Variants in C3orf70 observed in about 807,000 individuals in gnomAD.
The protein encoded by C3orf70 is UPF0524 protein C3orf70.
A neutral mutation model predicts 20.7 loss-of-function variants in C3orf70; 15 were observed. That is an observed-to-expected ratio of 0.72 (90% CI 0.48 to 1.11). The LOEUF (loss-of-function observed/expected upper bound fraction) is 1.11, where lower values mean the gene tolerates loss of function less well. C3orf70 is among the 50% of genes most tolerant of loss of function. The probability of loss-of-function intolerance (pLI) is 0.00; values close to 1 mark genes in which losing one functional copy is unlikely to be tolerated. For missense variants in C3orf70, 332 were observed against 317.6 expected, an observed-to-expected ratio of 1.05 and a Z score of -0.34; for synonymous variants, 161 against 125.7, an observed-to-expected ratio of 1.28 and a Z score of -1.88.
intron 1 of C3orf70, among the ~76,000 whole-genome samples, chr3:185,143,557 C>A (rs1023164580): frequency 6.6e-6 from 1 of 152,100 alleles, no homozygotes; most frequent in Non-Finnish European, 1.5e-5. Flanking sequence ...AGATATTACA[C>A]ATTTTTGGCA....
intron 1 of C3orf70, among the ~76,000 whole-genome samples, chr3:185,135,912 TA>T (rs1469606539): frequency 1.2e-4 from 18 of 149,568 alleles, no homozygotes; most frequent in African/African-American, 4.2e-4. Context: ...AAAAGAAAAA[TA>T]AAAAACAAGA....
intron 1 of C3orf70, among the ~76,000 whole-genome samples, chr3:185,148,083 A>G (rs1716912223): frequency 6.6e-6 from 1 of 152,030 alleles, no homozygotes; most frequent in South Asian, 2.1e-4. Flanking sequence ...AAAAGAAAAC[A>G]CTCTGGTGTT....
Position 185,077,117 on chromosome 3 carries a change from T to C in C3orf70, c.*5890A>G, listed in dbSNP as rs994276048. 1.3e-5 allele frequency among the ~76,000 whole-genome samples: 2 copies of C among 149,878 alleles called. No individual in the cohort carries two copies. Among genetic ancestry groups the C allele is most frequent in the South Asian group, 4.2e-4 (2 of 4,752 alleles). ...GAGCATAGAGATATTTGCAGAGACA[T>C]GGTATAGGGTGCGGGGTGGGGGGGC... On this transcript the variant is annotated 3_prime_UTR_variant, in exon 2 of 2. Transcript: ENST00000335012.
chr3:185,081,867 A>G lies in C3orf70; in HGVS notation c.*1140T>C, dbSNP rs1715345225. The G allele has an allele frequency of 6.5e-6, 1 of 152,674 alleles. No homozygotes were observed. Among genetic ancestry groups the G allele is most frequent in the South Asian group, 2.1e-4 (1 of 4,832 alleles). The allele number at this position is 152,674 out of a possible 1,614,324, so 9.5% of individuals were successfully genotyped here. A position where few individuals can be genotyped will look rare whatever the true frequency, so the allele number is the denominator to read the frequency against. ...AAATCCATGCATCACACTGAATTCTAATCCATTCCTCACTTAAACCATACG... is the reference window on the plus strand; with the variant it reads ...AAATCCATGCATCACACTGAATTCTGATCCATTCCTCACTTAAACCATACG... On this transcript the variant is annotated 3_prime_UTR_variant, in exon 2 of 2. Coordinates refer to ENST00000335012, the MANE Select transcript of C3orf70 (RefSeq NM_001025266.3).
rs543670293 is a variant in C3orf70 at position 185,077,664 on chromosome 3, G to A, written c.*5343C>T. On this transcript the variant is annotated 3_prime_UTR_variant, in exon 2 of 2. Transcript: ENST00000335012. ...CCAAGCGACCCCCCCAAGCTCTGCC[G>A]GGCAGCAGCCTCCCTCGATGCCTGA... 4.6e-5 allele frequency among the ~76,000 whole-genome samples: 7 copies of A among 152,018 alleles called. No homozygotes were observed. Among genetic ancestry groups the A allele is most frequent in the African/African-American group, 7.2e-5 (3 of 41,472 alleles).
intron 1 of C3orf70, among the ~76,000 whole-genome samples, chr3:185,088,790 T>C (rs1393309489): frequency 6.6e-6 from 1 of 152,274 alleles, no homozygotes; most frequent in African/African-American, 2.4e-5. Context: ...TAGGTGGCTC[T>C]TGTCTGCAAC....
intron 1 of C3orf70, among the ~76,000 whole-genome samples, chr3:185,138,157 C>A (rs1716665107): frequency 6.6e-6 from 1 of 152,010 alleles, no homozygotes. Flanking sequence ...ATGAAATAAA[C>A]CAATTCCTGA....
chr3:185,129,321 C>T (rs1334093208), intron 1 of C3orf70, among the ~76,000 whole-genome samples: 6 of 152,142 alleles, frequency 3.9e-5, no homozygotes, highest in East Asian at 1.9e-4. Flanking sequence ...TGAGAACATG[C>T]GCTATTTGGT....
intron 1 of C3orf70, among the ~76,000 whole-genome samples, chr3:185,147,151 C>T (rs553983619): frequency 2.6e-5 from 4 of 152,310 alleles, no homozygotes; most frequent in East Asian, 1.9e-4. Context: ...CTAATACCAC[C>T]TATTAGACTA....
At chr3:185,128,742 G>A (rs1205071398) in intron 1 of C3orf70, among the ~76,000 whole-genome samples, 1 of 152,144 alleles carries the variant, frequency 6.6e-6, no homozygotes, top group African/African-American at 2.4e-5. Flanking sequence ...GAAGTAGAAT[G>A]GGGGACCCAG....
intron 1 of C3orf70, among the ~76,000 whole-genome samples, chr3:185,097,495 CT>C (rs1393571119): frequency 6.6e-6 from 1 of 152,188 alleles, no homozygotes; most frequent in Non-Finnish European, 1.5e-5. Flanking sequence ...GTTAAAAGTG[CT>C]TTTCCTGAAA....
chr3:185,144,637 A>G (rs1196465348), intron 1 of C3orf70, among the ~76,000 whole-genome samples: 2 of 152,040 alleles, frequency 1.3e-5, no homozygotes, highest in Admixed American at 6.5e-5. Flanking sequence ...ATGCCCAGCT[A>G]ATTTTTGTAT....
intron 1 of C3orf70, among the ~76,000 whole-genome samples, chr3:185,092,005 G>T (rs1372228829): frequency 7.7e-6 from 1 of 129,202 alleles, no homozygotes; most frequent in Non-Finnish European, 1.6e-5. Context: ...CACTATGTTG[G>T]CCAGGCTGGT....
chr3:185,086,835 T>TA (rs1438522849), intron 1 of C3orf70, among the ~76,000 whole-genome samples: 1 of 152,126 alleles, frequency 6.6e-6, no homozygotes. Context: ...GATGGCCACA[T>TA]AAAAAAACAA....
intron 1 of C3orf70, among the ~76,000 whole-genome samples, chr3:185,087,556 T>C (rs1308587633): frequency 6.6e-6 from 1 of 152,194 alleles, no homozygotes; most frequent in Non-Finnish European, 1.5e-5. Flanking sequence ...GAAATAAGCC[T>C]GTCACAGTAA....
At chr3:185,100,141 G>T (rs756264159) in intron 1 of C3orf70, among the ~76,000 whole-genome samples, 1 of 151,988 alleles carries the variant, frequency 6.6e-6, no homozygotes, top group African/African-American at 2.4e-5. Context: ...TTAGATCACC[G>T]AGGCAAAAAA....
At chr3:185,112,362 G>A (rs753483764) in intron 1 of C3orf70, among the ~76,000 whole-genome samples, 1 of 152,184 alleles carries the variant, frequency 6.6e-6, no homozygotes, top group African/African-American at 2.4e-5. Context: ...AACTGGTTGA[G>A]TGACTGGTCA....
At chr3:185,095,452 G>C (rs2108590468) in intron 1 of C3orf70, among the ~76,000 whole-genome samples, 2 of 152,324 alleles carry the variant, frequency 1.3e-5, no homozygotes, top group Middle Eastern at 6.8e-3. Context: ...ACTGCTAACA[G>C]AGTAAGCTAA....
intron 1 of C3orf70, among the ~76,000 whole-genome samples, chr3:185,122,862 A>C (rs1716330967): frequency 6.6e-6 from 1 of 152,012 alleles, no homozygotes; most frequent in Admixed American, 6.6e-5. Context: ...ACATCAAAAA[A>C]TTGACTCCAT....
Sources: allele counts gnomAD v4.1 joint callset (sites outside exome capture counted in the v4.1 genomes callset), GRCh38; gene constraint gnomAD v4.1.1; transcripts MANE v1.5; gene names NCBI Gene and HGNC (gene_info 2026-07-23, HGNC 2026-07-21).